ZPBP: variants seen among roughly 807,000 people sequenced by gnomAD.
ZPBP encodes the protein zona pellucida-binding protein 1.
In ZPBP, 26 loss-of-function variants were observed where a neutral mutation model predicts 44.8. That is an observed-to-expected ratio of 0.58 (90% CI 0.43 to 0.81). The LOEUF (loss-of-function observed/expected upper bound fraction) is 0.81, where lower values mean the gene tolerates loss of function less well. Among genes scored for constraint, ZPBP ranks in the 30% least tolerant of loss-of-function variants. ZPBP has a pLI of 0.00. For synonymous variants in ZPBP, 174 were observed against 153.2 expected (o/e 1.14, Z -1.00); for missense variants, 409 against 434.0 (o/e 0.94, Z 0.51).
intron 2 of ZPBP, among the ~76,000 whole-genome samples, chr7:49,889,295 T>C (rs940202782): frequency 6.6e-6 from 1 of 152,236 alleles, no homozygotes; most frequent in Non-Finnish European, 1.5e-5. Context: ...AGGCTTCTAT[T>C]GTGAAGGTTA....
rs143672717 is a variant in ZPBP at position 50,075,632 on chromosome 7, C to A, written c.334+6142G>T. Among the ~76,000 whole-genome samples, 434 of 151,898 alleles carry A rather than the reference C, an allele frequency of 2.9e-3. 1 individual carries two copies. Among genetic ancestry groups the A allele is most frequent in the African/African-American group, 9.6e-3 (400 of 41,492 alleles). On this transcript the variant is annotated intron_variant, in intron 3 of 7. Coordinates refer to ENST00000046087, the MANE Select transcript of ZPBP (RefSeq NM_007009.3). ...AGTGATTACTATGAGCAACTATATGCCAATACATTGGAAAATCCAGAAGAA... is the reference window on the plus strand; with the variant it reads ...AGTGATTACTATGAGCAACTATATGACAATACATTGGAAAATCCAGAAGAA...
chr7:50,023,726 A>C (rs1030894530), intron 5 of ZPBP, among the ~76,000 whole-genome samples: 2 of 152,096 alleles, frequency 1.3e-5, no homozygotes, highest in Admixed American at 6.6e-5. Context: ...AATAACTATG[A>C]ATAACATGCT....
intron 1 of ZPBP, among the ~76,000 whole-genome samples, chr7:49,901,618 T>C (rs187596454): frequency 5.0e-4 from 76 of 152,024 alleles, no homozygotes; most frequent in African/African-American, 1.5e-3. Context: ...TATCAAGATC[T>C]ATTGTTGAGC....
chr7:49,904,908 G>A (rs1793003600), intron 1 of ZPBP, among the ~76,000 whole-genome samples: 1 of 151,770 alleles, frequency 6.6e-6, no homozygotes, highest in African/African-American at 2.4e-5. Flanking sequence ...GCTAATTTTT[G>A]TATTTTTAGT....
chr7:49,916,671 G>A (rs936150837), intron 1 of ZPBP: 1 of 152,162 alleles, frequency 6.6e-6, no homozygotes, highest in African/African-American at 2.4e-5. Flanking sequence ...TTGTTGAATT[G>A]TATTCCATCT....
chr7:49,948,980 C>A (rs752786872), intron 7 of ZPBP, among the ~76,000 whole-genome samples: 1 of 152,062 alleles, frequency 6.6e-6, no homozygotes, highest in Non-Finnish European at 1.5e-5. Context: ...TCCAATGAGG[C>A]AATGTTGGAG....
intron 7 of ZPBP, among the ~76,000 whole-genome samples, chr7:49,980,146 T>C (rs1330704775): frequency 8.8e-6 from 1 of 114,230 alleles, no homozygotes; most frequent in Non-Finnish European, 1.6e-5. Flanking sequence ...TATATTTATA[T>C]TATAATTATA....
At chr7:49,955,254 C>T (rs942830362) in intron 7 of ZPBP, among the ~76,000 whole-genome samples, 5 of 152,032 alleles carry the variant, frequency 3.3e-5, no homozygotes, top group Admixed American at 3.3e-4. Context: ...TTCTATACTA[C>T]TCTCATAAGA....
chr7:50,065,221 A>G (rs1303566438), intron 3 of ZPBP, among the ~76,000 whole-genome samples: 4 of 151,580 alleles, frequency 2.6e-5, no homozygotes, highest in Non-Finnish European at 5.9e-5. Flanking sequence ...AGAAAGAGGA[A>G]GGCTTGATTG....
intron 6 of ZPBP, among the ~76,000 whole-genome samples, chr7:49,995,447 C>T (rs1017569014): frequency 1.3e-5 from 2 of 152,194 alleles, no homozygotes; most frequent in Admixed American, 6.5e-5. Flanking sequence ...AATAAAACCA[C>T]GTTTGGTATA....
intron 4 of ZPBP, among the ~76,000 whole-genome samples, chr7:50,053,397 C>G (rs143281112): frequency 3.7e-4 from 57 of 152,222 alleles, no homozygotes; most frequent in African/African-American, 1.3e-3. Flanking sequence ...TTGTATGTAA[C>G]TGAAAATGGT....
intron 1 of ZPBP, chr7:49,920,158 G>C (rs1164602116): frequency 6.6e-6 from 1 of 151,970 alleles, no homozygotes; most frequent in Non-Finnish European, 1.5e-5. Context: ...ATGGAACAGA[G>C]CAATATAGAG....
chr7:49,911,946 CATATAT>C (rs1294749066), intron 1 of ZPBP: 3 of 744,256 alleles, frequency 4.0e-6, no homozygotes, highest in Non-Finnish European at 5.9e-6. Flanking sequence ...CACACACACA[CATATAT>C]ATACTGTAAT....
intron 6 of ZPBP, among the ~76,000 whole-genome samples, chr7:50,000,945 G>T (rs1798069340): frequency 2.0e-5 from 3 of 152,048 alleles, no homozygotes; most frequent in Admixed American, 1.3e-4. Context: ...ATTAAAGTAG[G>T]CCCTAATTCA....
chr7:49,886,679 T>C (rs1791916570), intron 2 of ZPBP, among the ~76,000 whole-genome samples: 1 of 152,158 alleles, frequency 6.6e-6, no homozygotes, highest in Admixed American at 6.5e-5. Context: ...GAGGGGTTTG[T>C]TGTACAGATT....
intron 4 of ZPBP, among the ~76,000 whole-genome samples, chr7:50,035,418 A>C (rs1799786086): frequency 6.6e-6 from 1 of 152,228 alleles, no homozygotes; most frequent in African/African-American, 2.4e-5. Flanking sequence ...CCATAAGTGC[A>C]AATATCAACA....
chr7:49,885,364 G>T (rs75115509), intron 2 of ZPBP, among the ~76,000 whole-genome samples: 4,567 of 151,844 alleles, frequency 0.03, 189 homozygotes, highest in South Asian at 0.13. Context: ...ATCTCTGAAA[G>T]TAAAACTATA....
intron 6 of ZPBP, among the ~76,000 whole-genome samples, chr7:50,013,835 T>G (rs1282357649): frequency 6.6e-6 from 1 of 152,234 alleles, no homozygotes; most frequent in South Asian, 2.1e-4. Context: ...GACACTATGA[T>G]AGCTTGACTT....
intron 6 of ZPBP, among the ~76,000 whole-genome samples, chr7:50,005,251 C>A (rs1341933867): frequency 6.6e-6 from 1 of 151,874 alleles, no homozygotes; most frequent in African/African-American, 2.4e-5. Context: ...AAGTTAATTA[C>A]CACCAGCAGA....
Sources: gnomAD v4.1 joint callset for allele counts (sites outside exome capture counted in the v4.1 genomes callset) on GRCh38, gnomAD v4.1.1 for gene constraint, MANE v1.5 for transcripts, NCBI Gene and HGNC (gene_info 2026-07-23, HGNC 2026-07-21) for gene names.